Variants in KLF12 observed in about 807,000 individuals in gnomAD.
KLF12 encodes Krueppel-like factor 12.
KLF12 carries 9 observed loss-of-function variants against 37.8 expected under a neutral mutation model. That is an observed-to-expected ratio of 0.24 (90% CI 0.14 to 0.42). KLF12 has a LOEUF of 0.42. Among genes scored for constraint, KLF12 ranks in the 10% least tolerant of loss-of-function variants. The probability of loss-of-function intolerance (pLI) is 1.00; values close to 1 mark genes in which losing one functional copy is unlikely to be tolerated. For synonymous variants in KLF12, 208 were observed against 202.1 expected (o/e 1.03, Z -0.25); for missense variants, 411 against 516.0 (o/e 0.80, Z 1.97).
the KLF12 span, among the ~76,000 whole-genome samples, chr13:74,238,334 C>T: frequency 3.1e-5 from 4 of 130,410 alleles, no homozygotes; most frequent in Admixed American, 7.1e-5. Context: ...CTGCTGGATT[C>T]GTTTTGCCAG....
chr13:73,861,067 C>A (rs1281565727), intron 3 of KLF12, among the ~76,000 whole-genome samples: 1 of 152,100 alleles, frequency 6.6e-6, no homozygotes, highest in Non-Finnish European at 1.5e-5. Flanking sequence ...CAATATGTCA[C>A]AGTAATAGGA....
chr13:73,706,709 T>C (rs1041835626), intron 7 of KLF12, among the ~76,000 whole-genome samples: 2 of 152,338 alleles, frequency 1.3e-5, no homozygotes. Flanking sequence ...TGTAGCAACC[T>C]GCATAGAGCT....
chr13:73,925,714 A>C (rs1889343841), intron 3 of KLF12, among the ~76,000 whole-genome samples: 1 of 152,152 alleles, frequency 6.6e-6, no homozygotes, highest in Admixed American at 6.6e-5. Flanking sequence ...ACACAAAGTA[A>C]ATTGATAACT....
At chr13:74,157,255 A>T in the KLF12 span, among the ~76,000 whole-genome samples, 1 of 152,146 alleles carries the variant, frequency 6.6e-6, no homozygotes, top group African/African-American at 2.4e-5. Flanking sequence ...TTGTACATGT[A>T]TTTTTATTTT....
intron 2 of KLF12, among the ~76,000 whole-genome samples, chr13:73,974,365 G>C (rs1891445589): frequency 6.6e-6 from 1 of 151,522 alleles, no homozygotes; most frequent in Admixed American, 6.6e-5. Context: ...TCACTTATGT[G>C]GGGGAACAAA....
At chr13:73,742,959 G>C (rs1878106288) in intron 6 of KLF12, among the ~76,000 whole-genome samples, 1 of 151,424 alleles carries the variant, frequency 6.6e-6, no homozygotes, top group African/African-American at 2.4e-5. Context: ...CTGTTCTTCA[G>C]TTCTTTAATG....
At chr13:74,151,823 G>C in the KLF12 span, among the ~76,000 whole-genome samples, 44 of 152,132 alleles carry the variant, frequency 2.9e-4, no homozygotes, top group Non-Finnish European at 3.7e-4. Context: ...TTACGGTAAT[G>C]ACATTAAGAA....
intron 3 of KLF12, among the ~76,000 whole-genome samples, chr13:73,850,967 A>T (rs755951212): frequency 1.3e-5 from 2 of 152,218 alleles, no homozygotes; most frequent in Non-Finnish European, 2.9e-5. Context: ...GACACAAAAG[A>T]CTTAGATTCA....
chr13:74,026,911 C>A (rs1892989660), intron 1 of KLF12, among the ~76,000 whole-genome samples: 1 of 152,136 alleles, frequency 6.6e-6, no homozygotes, highest in South Asian at 2.1e-4. Flanking sequence ...CTTTTCAGGT[C>A]TTTTCCTGTG....
the KLF12 span, among the ~76,000 whole-genome samples, chr13:74,196,275 C>T: frequency 6.6e-6 from 1 of 152,162 alleles, no homozygotes; most frequent in Non-Finnish European, 1.5e-5. Flanking sequence ...TCTACCCAAG[C>T]AGGCTTCCTC....
chr13:73,961,155 T>G (rs1891011894), intron 2 of KLF12, among the ~76,000 whole-genome samples: 1 of 152,172 alleles, frequency 6.6e-6, no homozygotes, highest in Non-Finnish European at 1.5e-5. Flanking sequence ...TTAATCATGA[T>G]AGCCACATTC....
At chr13:74,161,086 A>G in the KLF12 span, among the ~76,000 whole-genome samples, 7 of 144,738 alleles carry the variant, frequency 4.8e-5, no homozygotes, top group African/African-American at 1.8e-4. Flanking sequence ...TTTTTTTTTA[A>G]TTGACAAGGG....
chr13:73,810,959 G>T (rs1316964639), intron 5 of KLF12, among the ~76,000 whole-genome samples: 59 of 104,138 alleles, frequency 5.7e-4, no homozygotes, highest in East Asian at 9.4e-4. Context: ...GATAAACAAT[G>T]TTTATTTTTT....
the KLF12 span, among the ~76,000 whole-genome samples, chr13:74,181,142 G>A: frequency 0.019 from 2,867 of 151,922 alleles, 82 homozygotes; most frequent in African/African-American, 0.063. Flanking sequence ...GGGATTACAG[G>A]CATGCGCCAC....
chr13:74,115,488 T>C (rs1025876887), intron 1 of KLF12, among the ~76,000 whole-genome samples: 2 of 152,128 alleles, frequency 1.3e-5, no homozygotes, highest in African/African-American at 4.8e-5. Flanking sequence ...GTGGATCACC[T>C]GAAGTCAGGA....
At chr13:73,944,166 C>T (rs780211261) in intron 2 of KLF12, 96 bp from the exon 3 acceptor site, 10 of 723,008 alleles carry the variant, frequency 1.4e-5, no homozygotes, top group Non-Finnish European at 2.4e-5. Flanking sequence ...TTTAGTATTG[C>T]TAACCTAATT....
chr13:73,843,719 T>C (rs901164713), intron 4 of KLF12, among the ~76,000 whole-genome samples: 2 of 152,220 alleles, frequency 1.3e-5, no homozygotes, highest in Non-Finnish European at 2.9e-5. Flanking sequence ...CTTTCCCATT[T>C]ACATAGGTAT....
At chr13:73,745,713 A>G (rs770768196) in intron 6 of KLF12, among the ~76,000 whole-genome samples, 1 of 152,134 alleles carries the variant, frequency 6.6e-6, no homozygotes, top group Admixed American at 6.6e-5. Flanking sequence ...ATTAATAATC[A>G]CAAATTTGCA....
At chr13:74,057,529 T>C (rs1225440258) in intron 1 of KLF12, among the ~76,000 whole-genome samples, 3 of 152,202 alleles carry the variant, frequency 2.0e-5, no homozygotes, top group African/African-American at 7.2e-5. Flanking sequence ...ACAAAATATC[T>C]ATAAATAAAA....
Sources: gnomAD v4.1 joint callset for allele counts (sites outside exome capture counted in the v4.1 genomes callset) on GRCh38, gnomAD v4.1.1 for gene constraint, MANE v1.5 for transcripts, NCBI Gene and HGNC (gene_info 2026-07-23, HGNC 2026-07-21) for gene names.